The following RNF146 variants were observed in gnomAD, a reference collection of about 807,000 sequenced individuals.
RNF146 encodes the protein ring finger protein 146.
In RNF146, 11 loss-of-function variants were observed where a neutral mutation model predicts 29.7. That is an observed-to-expected ratio of 0.37 (90% CI 0.23 to 0.61). The LOEUF (loss-of-function observed/expected upper bound fraction) is 0.61, where lower values mean the gene tolerates loss of function less well. Among genes scored for constraint, RNF146 ranks in the 20% least tolerant of loss-of-function variants. The pLI is 0.66. For synonymous variants in RNF146, 150 were observed against 159.7 expected (o/e 0.94, Z 0.46); for missense variants, 342 against 438.9 (o/e 0.78, Z 1.97).
intron 1 of RNF146, among the ~76,000 whole-genome samples, chr6:127,276,412 TTC>T (rs1173855030): frequency 4.0e-5 from 6 of 151,874 alleles, no homozygotes; most frequent in Admixed American, 3.9e-4. Flanking sequence ...AGAAAGGACT[TTC>T]TCTTTTTCTC....
chr6:127,272,731 C>G (rs1777669853), intron 1 of RNF146, among the ~76,000 whole-genome samples: 1 of 152,154 alleles, frequency 6.6e-6, no homozygotes, highest in Admixed American at 6.6e-5. Flanking sequence ...GAGGGCAGTA[C>G]AATTGACCCT....
At chr6:127,280,410 TTGAG>T (rs1177687778) in intron 2 of RNF146, 70 bp downstream of exon 2, 30 of 1,509,424 alleles carry the variant, frequency 2.0e-5, no homozygotes, top group Non-Finnish European at 2.5e-5. Flanking sequence ...GTGTGGTAAA[TTGAG>T]TATCTGTCAT....
rs1201491476 is a variant in RNF146 at position 127,287,009 on chromosome 6, T to C, written c.396T>C (p.Gly132=). ...SRELEDAFSK[G]KKNTEMLIAG... is the part of the protein sequence containing the mutation. ...AGCTGGAAGATGCTTTTTCCAAAGG[T>C]AAAAAGAACACTGAAATGTTAATTG... The change falls in exon 3 of 3, where the codon GGT becomes GGC. Residue 132 remains glycine, a synonymous_variant. Coordinates refer to ENST00000368314, the MANE Select transcript of RNF146 (RefSeq NM_001242850.2). 6.2e-7 allele frequency: 1 copy of C among 1,613,090 alleles called. No homozygotes were observed. Among genetic ancestry groups the C allele is most frequent in the Non-Finnish European group, 8.5e-7 (1 of 1,179,586 alleles).
chr6:127,286,212 C>A lies in RNF146; in HGVS notation c.3-404C>A, dbSNP rs907180992. ...TTTAGACTAATGGTTTAACTGAGTGCCTAAGAGCACATAATTAATAAAGGA... is the reference window on the plus strand; with the variant it reads ...TTTAGACTAATGGTTTAACTGAGTGACTAAGAGCACATAATTAATAAAGGA... On this transcript the variant is annotated intron_variant, in intron 2 of 2. Transcript: ENST00000368314. This position sits in a 1 kb window ranked among gnomAD's most constrained non-coding sequence, Gnocchi z 4.6. 9.9e-5 allele frequency: 121 copies of A among 1,226,672 alleles called. No individual in the cohort carries two copies. The highest frequency in any genetic ancestry group is 1.2e-4 in the Non-Finnish European group (116 of 982,926). The allele number at this position is 1,226,672 out of a possible 1,614,324, so 76.0% of individuals were successfully genotyped here.
intron 2 of RNF146, among the ~76,000 whole-genome samples, chr6:127,281,634 C>CA (rs1276844909): frequency 6.6e-6 from 1 of 151,562 alleles, no homozygotes; most frequent in Non-Finnish European, 1.5e-5. Flanking sequence ...AGTCAGGGAA[C>CA]AGTAATATGT....
Position 127,280,528 on chromosome 6 carries a change from C to T in RNF146, c.2+188C>T, listed in dbSNP as rs1778789064. 8 of 1,253,786 alleles carry T rather than the reference C, an allele frequency of 6.4e-6. No individual in the cohort carries two copies. In the East Asian group the frequency reaches 2.2e-4, roughly 34 times the overall value. The allele number at this position is 1,253,786 out of a possible 1,614,324, so 77.7% of individuals were successfully genotyped here. On this transcript the variant is annotated intron_variant, in intron 2 of 2. Transcript: ENST00000368314. ...ATCGTTAATGTAGATTTCCAAGTCTCCTCAAAAGGAAAAGTCTCTATAAGA... is the reference window on the plus strand; with the variant it reads ...ATCGTTAATGTAGATTTCCAAGTCTTCTCAAAAGGAAAAGTCTCTATAAGA...
At chr6:127,285,348 C>T (rs1000214790) in intron 2 of RNF146, 28 of 984,398 alleles carry the variant, frequency 2.8e-5, no homozygotes, top group South Asian at 4.7e-5. Context: ...TTTTGATGAG[C>T]GTAAGCATTC....
In RNF146 at chr6:127,287,885, G is replaced by A. The variant is rs1779739888; in HGVS notation, c.*192G>A. 3 of 489,230 alleles carry A rather than the reference G, an allele frequency of 6.1e-6. No individual in the cohort carries two copies. Among genetic ancestry groups the A allele is most frequent in the South Asian group, 3.5e-5 (1 of 28,412 alleles). The allele number at this position is 489,230 out of a possible 1,614,324, so 30.3% of individuals were successfully genotyped here. On this transcript the variant is annotated 3_prime_UTR_variant, in exon 3 of 3. Transcript: ENST00000368314. ...AATTTATTTAATGTAAGGAACTTGG[G>A]TGTTAATAGTTGAGAGCTGTTTAGT...
Position 127,287,132 on chromosome 6 carries a change from A to G in RNF146, c.519A>G (p.Ile173Met), listed in dbSNP as rs747022811. 2.2e-5 allele frequency: 36 copies of G among 1,613,228 alleles called. No homozygotes were observed. Among genetic ancestry groups the G allele is most frequent in the Non-Finnish European group, 3.1e-5 (36 of 1,179,620 alleles). Reference protein sequence around the residue: ...RRKIKRDIIDIPKKGVAGLRL... With the variant: ...RRKIKRDIIDMPKKGVAGLRL... Reference sequence around the variant, plus strand: ...AGATTAAGCGAGATATAATAGATATACCAAAGAAGGGAGTAGCTGGACTTA... The same window carrying G: ...AGATTAAGCGAGATATAATAGATATGCCAAAGAAGGGAGTAGCTGGACTTA... Residue 173 changes from isoleucine (I) to methionine (M), a missense_variant, in exon 3 of 3, where the codon ATA becomes ATG. Ile to Met is a conservative substitution (Grantham distance 10). Around this residue, in one of 6 missense-constraint regions of RNF146, gnomAD observed 28 missense variants for 40.7 expected, o/e 0.69. Transcript: ENST00000368314.
chr6:127,282,919 T>C (rs1779094437), intron 2 of RNF146, among the ~76,000 whole-genome samples: 1 of 151,848 alleles, frequency 6.6e-6, no homozygotes, highest in Non-Finnish European at 1.5e-5. Flanking sequence ...ATTCAGACTT[T>C]AAAAATCTGA....
chr6:127,269,574 C>A (rs558718833), intron 1 of RNF146, among the ~76,000 whole-genome samples: 5 of 152,140 alleles, frequency 3.3e-5, no homozygotes, highest in Admixed American at 1.3e-4. Context: ...GGAAATAATT[C>A]TTTAAAGTAT....
chr6:127,280,285 G>C lies in RNF146; in HGVS notation c.-54G>C. ...AAATACTGTAAGCTGGCTGACTGCT[G>C]GTGAAGAAAATGCTTTATTTTTGTG... On this transcript the variant is annotated 5_prime_UTR_variant, in exon 2 of 3. Coordinates refer to ENST00000368314, the MANE Select transcript of RNF146 (RefSeq NM_001242850.2). 1 of 1,540,178 alleles carries C rather than the reference G, an allele frequency of 6.5e-7. No individual in the cohort carries two copies. The highest frequency in any genetic ancestry group is 1.4e-5 in the African/African-American group (1 of 72,790).
At position 127,287,976 on chromosome 6, in the gene RNF146, C is replaced by A; in HGVS notation, c.*283C>A. 4.0e-6 allele frequency: 1 copy of A among 249,380 alleles called. No individual in the cohort carries two copies. Among genetic ancestry groups the A allele is most frequent in the Non-Finnish European group, 8.4e-6 (1 of 119,586 alleles). The allele number at this position is 249,380 out of a possible 1,614,324, so 15.4% of individuals were successfully genotyped here. On this transcript the variant is annotated 3_prime_UTR_variant, in exon 3 of 3. Transcript: ENST00000368314. ...TTAAAAACTTCTGTAGTTCTTTTGG[C>A]CAGTGTGTTTGTATTATCTGTGCAT...
Position 127,288,487 on chromosome 6 carries a change from T to C in RNF146, c.*794T>C, listed in dbSNP as rs1779809759. On this transcript the variant is annotated 3_prime_UTR_variant, in exon 3 of 3. Transcript: ENST00000368314. Reference sequence around the variant, plus strand: ...AGCTTAATCACCTGCTCAGAAAAGTTTGATTTTTTTCTTAGAGATTATTTA... The same window carrying C: ...AGCTTAATCACCTGCTCAGAAAAGTCTGATTTTTTTCTTAGAGATTATTTA... 1 of 166,894 alleles carries C rather than the reference T, an allele frequency of 6.0e-6. No individual in the cohort carries two copies. Among genetic ancestry groups the C allele is most frequent in the Non-Finnish European group, 1.5e-5 (1 of 68,050 alleles). The allele number at this position is 166,894 out of a possible 1,614,324, so 10.3% of individuals were successfully genotyped here. A position where few individuals can be genotyped will look rare whatever the true frequency, so the allele number is the denominator to read the frequency against.
In RNF146 at chr6:127,287,498, T is replaced by A. The variant is rs1439443567; in HGVS notation, c.885T>A (p.Asp295Glu). Residue 295 changes from aspartate (D) to glutamate (E), a missense_variant, in exon 3 of 3, where the codon GAT becomes GAA. This residue lies in a region of RNF146 where 196 missense variants were observed against 208.9 expected (regional missense o/e 0.94). Transcript: ENST00000368314. The stretch of plus-strand genomic sequence containing the variant: ...AAACTGAATCAGATGCCAGTAGTGA[T>A]AGTGAGGATGTATCTGCAGTTGTTG... ...IEETESDASS[D>E]SEDVSAVVAQ... 9 of 1,613,270 alleles carry A rather than the reference T, an allele frequency of 5.6e-6. No homozygotes were observed. Among genetic ancestry groups the A allele is most frequent in the Non-Finnish European group, 7.6e-6 (9 of 1,179,588 alleles).
chr6:127,286,328 G>A lies in RNF146; in HGVS notation c.3-288G>A. The A allele has an allele frequency of 1.6e-6, 1 of 606,864 alleles. No homozygotes were observed. The highest frequency in any genetic ancestry group is 5.1e-5 in the South Asian group (1 of 19,664). 37.6% of individuals were successfully genotyped at this position (606,864 alleles called of 1,614,324 possible). On this transcript the variant is annotated intron_variant, in intron 2 of 2. Transcript: ENST00000368314. This position sits in a 1 kb window ranked among gnomAD's most constrained non-coding sequence, Gnocchi z 4.6. Reference sequence around the variant, plus strand: ...TTCAAGGTATCCTTTTCCCCTCACTGGATGCAGCTTTTCATTATATAGTTC... The same window carrying A: ...TTCAAGGTATCCTTTTCCCCTCACTAGATGCAGCTTTTCATTATATAGTTC...
At chr6:127,283,732 A>G (rs1275520342) in intron 2 of RNF146, among the ~76,000 whole-genome samples, 1 of 151,842 alleles carries the variant, frequency 6.6e-6, no homozygotes, top group Non-Finnish European at 1.5e-5. Flanking sequence ...GACTAACAGT[A>G]TACTTGATGG....
intron 2 of RNF146, among the ~76,000 whole-genome samples, chr6:127,281,688 G>C (rs1778935577): frequency 6.6e-6 from 1 of 151,632 alleles, no homozygotes; most frequent in South Asian, 2.1e-4. Flanking sequence ...TAAGTGCAGG[G>C]AGTGAACATT....
At position 127,288,546 on chromosome 6, in the gene RNF146, C is replaced by T. The variant is rs9321073; in HGVS notation, c.*853C>T. On this transcript the variant is annotated 3_prime_UTR_variant, in exon 3 of 3. Coordinates refer to ENST00000368314, the MANE Select transcript of RNF146 (RefSeq NM_001242850.2). ...CTATAGGCAGTGTGTATATAATAAACATGTATGGAAATAAAACTAAAGCCT... is the reference window on the plus strand; with the variant it reads ...CTATAGGCAGTGTGTATATAATAAATATGTATGGAAATAAAACTAAAGCCT... 121,959 of 166,722 alleles carry T rather than the reference C, an allele frequency of 0.73. 44,781 individuals are homozygous for T. Among genetic ancestry groups the T allele is most frequent in the East Asian group, 0.78 (4,027 of 5,162 alleles). 10.3% of individuals were successfully genotyped at this position (166,722 alleles called of 1,614,324 possible).
Sources: gnomAD v4.1 joint callset for allele counts (sites outside exome capture counted in the v4.1 genomes callset) on GRCh38, gnomAD v4.1.1 for gene constraint, gnomAD v4.1.1 regional missense constraint, Gnocchi (gnomAD v3.1) non-coding constraint, MANE v1.5 for transcripts, NCBI Gene and HGNC (gene_info 2026-07-23, HGNC 2026-07-21) for gene names.